CRYBB1: variants seen among roughly 807,000 people sequenced by gnomAD.
The protein encoded by CRYBB1 is beta-crystallin B1.
Under a neutral mutation model 29.5 loss-of-function variants are expected in CRYBB1, and 16 were observed. That is an observed-to-expected ratio of 0.54 (90% CI 0.37 to 0.82). The LOEUF is 0.82. CRYBB1 is among the 40% of genes least tolerant of loss of function. CRYBB1 has a pLI of 0.00. For synonymous variants in CRYBB1, 127 were observed against 136.7 expected (o/e 0.93, Z 0.49); for missense variants, 300 against 350.5 (o/e 0.86, Z 1.15).
intron 4 of CRYBB1, among the ~76,000 whole-genome samples, chr22:26,602,668 C>G (rs754529094): frequency 3.3e-5 from 5 of 152,036 alleles, no homozygotes; most frequent in Non-Finnish European, 7.4e-5. Flanking sequence ...GCTTATTGAT[C>G]AACATCACAC....
intron 3 of CRYBB1, among the ~76,000 whole-genome samples, 180 bp from the exon 4 acceptor site, chr22:26,608,201 A>G (rs778332231): frequency 6.6e-6 from 1 of 152,204 alleles, no homozygotes; most frequent in Non-Finnish European, 1.5e-5. Context: ...CTGTGTGACT[A>G]TGGGCAAGTG....
In CRYBB1 at chr22:26,602,480, A is replaced by G. The variant is rs138798993; in HGVS notation, c.433-459T>C. ...GTGGTGCATGCCTGTAGTCTCAGCTACTTGGAAGGCTGAGGCAGGAGGATT... is the reference window on the plus strand; with the variant it reads ...GTGGTGCATGCCTGTAGTCTCAGCTGCTTGGAAGGCTGAGGCAGGAGGATT... On this transcript the variant is annotated intron_variant, in intron 4 of 5. Transcript: ENST00000647684. Among the ~76,000 whole-genome samples, 478 of 151,970 alleles carry G rather than the reference A, an allele frequency of 3.1e-3. 2 individuals are homozygous for G. Among genetic ancestry groups the G allele is most frequent in the African/African-American group, 0.011 (468 of 41,432 alleles).
intron 1 of CRYBB1, among the ~76,000 whole-genome samples, chr22:26,617,572 C>G (rs1337829504): frequency 6.6e-6 from 1 of 152,018 alleles, no homozygotes; most frequent in Non-Finnish European, 1.5e-5. Flanking sequence ...GAGATATTCT[C>G]ATTCTCTCTC....
At chr22:26,608,946 T>G (rs922889587) in intron 3 of CRYBB1, among the ~76,000 whole-genome samples, 1 of 152,214 alleles carries the variant, frequency 6.6e-6, no homozygotes, top group African/African-American at 2.4e-5. Context: ...TTCCTGGCTT[T>G]CCCAGTGAAG....
intron 4 of CRYBB1, among the ~76,000 whole-genome samples, chr22:26,604,837 T>C (rs938681199): frequency 1.3e-5 from 2 of 152,180 alleles, no homozygotes; most frequent in African/African-American, 4.8e-5. Context: ...TGTTACGGTC[T>C]TGAGGGCCTT....
In CRYBB1 at chr22:26,612,190, G is replaced by T; in HGVS notation, c.181C>A (p.Leu61Met). 6.2e-7 allele frequency: 1 copy of T among 1,609,124 alleles called. No homozygotes were observed. The highest frequency in any genetic ancestry group is 8.5e-7 in the Non-Finnish European group (1 of 1,175,610). Residue 61 changes from leucine to methionine, a missense_variant and splice_region_variant, in exon 3 of 6, where the codon CTG (leucine) becomes ATG (methionine). Leu to Met is a conservative substitution (Grantham distance 15). Coordinates refer to ENST00000647684, the MANE Select transcript of CRYBB1 (RefSeq NM_001887.4). ...AAELPPGNYR[L>M]VVFELENFQG... ...AAGTTTTCCAGTTCGAAGACCACCA[G>T]CTGCAGGAGAGAAGCCCCCATGCCA... is the stretch of plus-strand genomic sequence containing the variant.
At chr22:26,612,588 A>G (rs972281752) in intron 2 of CRYBB1, among the ~76,000 whole-genome samples, 1 of 152,174 alleles carries the variant, frequency 6.6e-6, no homozygotes, top group Non-Finnish European at 1.5e-5. Flanking sequence ...CCTGAGCTCA[A>G]ATGATTGGCC....
chr22:26,606,978 T>C (rs1928995847), intron 4 of CRYBB1, among the ~76,000 whole-genome samples: 1 of 152,036 alleles, frequency 6.6e-6, no homozygotes, highest in Non-Finnish European at 1.5e-5. Flanking sequence ...TATTGTCTTA[T>C]TATTAAGAGG....
chr22:26,600,138 AAG>A (rs1213137872), intron 5 of CRYBB1, among the ~76,000 whole-genome samples: 1 of 152,198 alleles, frequency 6.6e-6, no homozygotes, highest in Non-Finnish European at 1.5e-5. Context: ...GCGGTGGCTC[AAG>A]CCTGTAATCC....
At chr22:26,600,664 A>T (rs1335950911) in intron 5 of CRYBB1, among the ~76,000 whole-genome samples, 1 of 152,248 alleles carries the variant, frequency 6.6e-6, no homozygotes, top group African/African-American at 2.4e-5. Flanking sequence ...CTTGGTACAT[A>T]GTAAGCACTC....
intron 4 of CRYBB1, among the ~76,000 whole-genome samples, chr22:26,605,409 C>G (rs1569204775): frequency 6.6e-6 from 1 of 152,072 alleles, no homozygotes; most frequent in African/African-American, 2.4e-5. Context: ...CGCACTGGCT[C>G]ATGCCTGTAA....
chr22:26,607,774 G>A, intron 4 of CRYBB1, 115 bp downstream of exon 4: 2 of 1,432,030 alleles, frequency 1.4e-6, no homozygotes, highest in Non-Finnish European at 9.7e-7. Flanking sequence ...CAACTCGGAG[G>A]CTGCCACGCC....
chr22:26,601,735 G>A (rs1318746774), intron 5 of CRYBB1, 144 bp downstream of exon 5: 4 of 1,379,502 alleles, frequency 2.9e-6, no homozygotes, highest in Non-Finnish European at 3.0e-6. Context: ...TCTGTTGGCT[G>A]ATCCCAGGAA....
chr22:26,599,697 G>C, intron 5 of CRYBB1, 24 bp from the exon 6 acceptor site: 2 of 1,606,292 alleles, frequency 1.2e-6, no homozygotes, highest in Non-Finnish European at 1.7e-6. Flanking sequence ...GAGAAGGACA[G>C]AGTGGAGACA....
chr22:26,616,086 G>A, intron 2 of CRYBB1, 54 bp downstream of exon 2: 1 of 1,380,442 alleles, frequency 7.2e-7, no homozygotes, highest in Non-Finnish European at 1.0e-6. Flanking sequence ...AGGAGGAGGA[G>A]GGAAGGAAGG....
intron 4 of CRYBB1, among the ~76,000 whole-genome samples, chr22:26,603,692 T>G (rs1928892316): frequency 6.6e-6 from 1 of 151,850 alleles, no homozygotes; most frequent in Non-Finnish European, 1.5e-5. Context: ...GATCACAAGG[T>G]CAGGAGTTCG....
Position 26,599,303 on chromosome 22 carries a change from T to G in CRYBB1, c.*187A>C. ...AACTTTTCAGTGTTTGCTGCTTTTA[T>G]TATCGTTGTAATTATTAAGAGCGAG... On this transcript the variant is annotated 3_prime_UTR_variant, in exon 6 of 6. Transcript: ENST00000647684. The G allele has an allele frequency of 1.6e-6, 1 of 606,360 alleles. No homozygotes were observed. The highest frequency in any genetic ancestry group is 1.8e-5 in the African/African-American group (1 of 54,230). 37.6% of individuals were successfully genotyped at this position (606,360 alleles called of 1,614,324 possible). A position where few individuals can be genotyped will look rare whatever the true frequency, so the allele number is the denominator to read the frequency against.
chr22:26,611,793 A>G (rs1003744916), intron 3 of CRYBB1, among the ~76,000 whole-genome samples: 4 of 152,052 alleles, frequency 2.6e-5, no homozygotes, highest in African/African-American at 7.2e-5. Context: ...TTTTTGCTAT[A>G]GTAGAAGCAG....
chr22:26,601,834 T>C (rs1292653510), intron 5 of CRYBB1, 45 bp downstream of exon 5: 1 of 1,610,838 alleles, frequency 6.2e-7, no homozygotes, highest in African/African-American at 1.3e-5. Flanking sequence ...TGATTCTGCC[T>C]GTGCTTGAAG....
Sources: gnomAD v4.1 joint callset for allele counts (sites outside exome capture counted in the v4.1 genomes callset) on GRCh38, gnomAD v4.1.1 for gene constraint, MANE v1.5 for transcripts, NCBI Gene and HGNC (gene_info 2026-07-23, HGNC 2026-07-21) for gene names.